Variants in MAGEL2 observed in about 807,000 individuals in gnomAD.
MAGEL2 encodes MAGE family member L2, also known as MAGE-like protein 2.
For missense variants in MAGEL2, 1,830 were observed against 1,699.2 expected (o/e 1.08, Z -1.35); for synonymous variants, 792 against 721.7 (o/e 1.10, Z -1.56).
In MAGEL2 at chr15:23,644,776, C is replaced by A. The variant is rs1890356073; in HGVS notation, c.2967G>T (p.Leu989=). Residue 989 remains leucine (L), a synonymous_variant, in exon 1 of 1, where the codon CTG becomes CTT. Transcript: ENST00000650528. ...LGLSESPGSS[L]PVVVSEVASV... ...TTGCGACCTCAGACACAACTACGGG[C>A]AGAGAGCTCCCTGGGCTTTCAGAGA... The A allele has an allele frequency of 7.4e-6, 12 of 1,613,680 alleles. No individual in the cohort carries two copies. The highest frequency in any genetic ancestry group is 1.0e-5 in the Non-Finnish European group (12 of 1,179,868).
In MAGEL2 at chr15:23,647,026, C is replaced by T. The variant is rs552582918; in HGVS notation, c.717G>A (p.Met239Ile). ...MAQPPAPGVL[M>I]AQPLTPGVLM... ...GGACTCCCGGAGTCAGAGGCTGGGC[C>T]ATCAGGACTCCCGGAGCTGGAGGCT... Residue 239 changes from methionine to isoleucine, a missense_variant, in exon 1 of 1, where the codon ATG becomes ATA. Coordinates refer to ENST00000650528, the MANE Select transcript of MAGEL2 (RefSeq NM_019066.5). 3.4e-5 allele frequency: 53 copies of T among 1,536,970 alleles called. No homozygotes were observed. The African/African-American group carries it at 7.1e-4, about 21-fold the overall frequency.
chr15:23,645,971 T>C lies in MAGEL2; in HGVS notation c.1772A>G (p.Lys591Arg), dbSNP rs758454311. ...CTCGTGTGGCACCGGGGGCTGACCT[T>C]TGGGGGCCTGCCAGATGATGGAAGG... ...HCPSIIWQAP[K>R]GQPPVPHEIP... The change falls in exon 1 of 1, where the codon AAA (lysine) becomes AGA (arginine). Residue 591 changes from lysine to arginine, a missense_variant. Coordinates refer to ENST00000650528, the MANE Select transcript of MAGEL2 (RefSeq NM_019066.5). 2.6e-5 allele frequency: 40 copies of C among 1,561,480 alleles called. No homozygotes were observed. The South Asian group carries it at 4.2e-4, about 17-fold the overall frequency.
Position 23,646,417 on chromosome 15 carries a change from C to A in MAGEL2, c.1326G>T (p.Pro442=), listed in dbSNP as rs550125705. 2 of 1,394,368 alleles carry A rather than the reference C, an allele frequency of 1.4e-6. No homozygotes were observed. Among genetic ancestry groups the A allele is most frequent in the Non-Finnish European group, 1.8e-6 (2 of 1,086,816 alleles). 86.4% of individuals were successfully genotyped at this position (1,394,368 alleles called of 1,614,324 possible). A position where few individuals can be genotyped will look rare whatever the true frequency, so the allele number is the denominator to read the frequency against. The change falls in exon 1 of 1, where the codon CCG becomes CCT. Residue 442 remains proline (P), a synonymous_variant. Transcript: ENST00000650528. The surrounding 1 kb of genome is among the most constrained non-coding windows in gnomAD (Gnocchi z 4.2). ...TCACGGGTGGGGCCTGGCGGATCAC[C>A]GGTGGGGCCTGGCGGATCAGCGGTG... ...QAPPLIRQAP[P]VIRQAPPVIR...
In MAGEL2 at chr15:23,645,048, G is replaced by C; in HGVS notation, c.2695C>G (p.Arg899Gly). Reference protein sequence around the residue: ...KKHLEAQEDSRGHTLAFHDWQ... With the variant: ...KKHLEAQEDSGGHTLAFHDWQ... ...TCATGAAAGGCTAGCGTGTGGCCAC[G>C]GCTGTCCTCTTGGGCTTCCAGATGC... Residue 899 changes from arginine to glycine, a missense_variant, in exon 1 of 1, where the codon CGT (arginine) becomes GGT (glycine). Transcript: ENST00000650528. 6.2e-7 allele frequency: 1 copy of C among 1,613,934 alleles called. No homozygotes were observed. The highest frequency in any genetic ancestry group is 8.5e-7 in the Non-Finnish European group (1 of 1,179,902).
rs376987796 is a variant in MAGEL2 at position 23,644,773 on chromosome 15, G to A, written c.2970C>T (p.Pro990=). The change falls in exon 1 of 1, where the codon CCC becomes CCT. Residue 990 remains proline (P), a synonymous_variant. Transcript: ENST00000650528. ...CACTTGCGACCTCAGACACAACTAC[G>A]GGCAGAGAGCTCCCTGGGCTTTCAG... is the stretch of plus-strand genomic sequence containing the variant. ...GLSESPGSSL[P]VVVSEVASVS... is the part of the protein sequence containing the mutation. The A allele has an allele frequency of 2.5e-5, 41 of 1,613,680 alleles. No individual in the cohort carries two copies. Among genetic ancestry groups the A allele is most frequent in the Middle Eastern group, 3.3e-4 (2 of 6,062 alleles).
rs1595332897 is a variant in MAGEL2 at position 23,646,127 on chromosome 15, G to A, written c.1616C>T (p.Ala539Val). 1 of 1,367,218 alleles carries A rather than the reference G, an allele frequency of 7.3e-7. No individual in the cohort carries two copies. The highest frequency in any genetic ancestry group is 9.4e-7 in the Non-Finnish European group (1 of 1,068,864). 84.7% of individuals were successfully genotyped at this position (1,367,218 alleles called of 1,614,324 possible). A position where few individuals can be genotyped will look rare whatever the true frequency, so the allele number is the denominator to read the frequency against. Residue 539 changes from alanine to valine, a missense_variant, in exon 1 of 1, where the codon GCG becomes GTG. Physicochemically the swap from Ala to Val is moderately conservative, Grantham distance 64. Coordinates refer to ENST00000650528, the MANE Select transcript of MAGEL2 (RefSeq NM_019066.5). The surrounding 1 kb of genome is among the most constrained non-coding windows in gnomAD (Gnocchi z 4.2). Reference sequence around the variant, plus strand: ...AGGTGGGGCCGTAGGCACCTGCGGCGCCGCCTGCACCTGCGGGGCCGGCAG... The same window carrying A: ...AGGTGGGGCCGTAGGCACCTGCGGCACCGCCTGCACCTGCGGGGCCGGCAG... ...ARLPAPQVQA[A>V]PQVPTAPPAT... is the part of the protein sequence containing the mutation.
In MAGEL2 at chr15:23,645,636, C is replaced by A; in HGVS notation, c.2107G>T (p.Ala703Ser). The change falls in exon 1 of 1, where the codon GCG becomes TCG. Residue 703 changes from alanine (A) to serine (S), a missense_variant. Physicochemically the swap from Ala to Ser is moderately conservative, Grantham distance 99. Coordinates refer to ENST00000650528, the MANE Select transcript of MAGEL2 (RefSeq NM_019066.5). ...GCGGAGCCCAGGGGAAAATTTGCCGCTGCTACCGGGGGTCCGGGCTGGGCC... is the reference window on the plus strand; with the variant it reads ...GCGGAGCCCAGGGGAAAATTTGCCGATGCTACCGGGGGTCCGGGCTGGGCC... The part of the protein sequence containing the change: ...LQAQPGPPVA[A>S]ANFPLGSAKS... 1 of 1,588,244 alleles carries A rather than the reference C, an allele frequency of 6.3e-7. No individual in the cohort carries two copies. The highest frequency in any genetic ancestry group is 1.8e-5 in the Admixed American group (1 of 56,570).
Position 23,645,202 on chromosome 15 carries a change from T to C in MAGEL2, c.2541A>G (p.Ala847=). The C allele has an allele frequency of 6.2e-7, 1 of 1,613,908 alleles. No homozygotes were observed. The highest frequency in any genetic ancestry group is 8.5e-7 in the Non-Finnish European group (1 of 1,179,902). The part of the protein sequence containing the change: ...VPQPNMNASK[A]SQAVPTFLMA... ...TCAGGAAGGTGGGCACTGCCTGCGA[T>C]GCCTTTGAGGCATTCATATTGGGCT... The change falls in exon 1 of 1, where the codon GCA becomes GCG. Residue 847 remains alanine (A), a synonymous_variant. Coordinates refer to ENST00000650528, the MANE Select transcript of MAGEL2 (RefSeq NM_019066.5).
Position 23,647,061 on chromosome 15 carries a change from G to C in MAGEL2, c.682C>G (p.Pro228Ala). ...PMAHPPPPGT[P>A]MAQPPAPGVL... ...CCCGGAGCTGGAGGCTGGGCCATCG[G>C]TGTACCCGGAGGGGGAGGATGAGCC... Residue 228 changes from proline to alanine, a missense_variant, in exon 1 of 1, where the codon CCG becomes GCG. Transcript: ENST00000650528. 1 of 1,536,318 alleles carries C rather than the reference G, an allele frequency of 6.5e-7. No homozygotes were observed. The highest frequency in any genetic ancestry group is 1.2e-5 in the South Asian group (1 of 83,962).
chr15:23,645,212 G>T lies in MAGEL2; in HGVS notation c.2531C>A (p.Ala844Asp). ...VPWVPQPNMN[A>D]SKASQAVPTF... ...GGGCACTGCCTGCGATGCCTTTGAGGCATTCATATTGGGCTGTGGGACCCA... is the reference window on the plus strand; with the variant it reads ...GGGCACTGCCTGCGATGCCTTTGAGTCATTCATATTGGGCTGTGGGACCCA... The change falls in exon 1 of 1, where the codon GCC (alanine) becomes GAC (aspartate). Residue 844 changes from alanine (A) to aspartate (D), a missense_variant. Ala to Asp is a moderately radical substitution (Grantham distance 126). Transcript: ENST00000650528. 1.2e-6 allele frequency: 2 copies of T among 1,613,878 alleles called. No individual in the cohort carries two copies. The highest frequency in any genetic ancestry group is 1.7e-6 in the Non-Finnish European group (2 of 1,179,894).
Position 23,643,929 on chromosome 15 carries a change from T to C in MAGEL2, c.*64A>G, listed in dbSNP as rs1217619328. 3 of 1,461,624 alleles carry C rather than the reference T, an allele frequency of 2.1e-6. No individual in the cohort carries two copies. The highest frequency in any genetic ancestry group is 1.4e-5 in the African/African-American group (1 of 70,836). The allele number at this position is 1,461,624 out of a possible 1,614,324, so 90.5% of individuals were successfully genotyped here. ...AACACAAACACCAGGAACAAAAATGTCCCCCCACCCTGTCAGTGGCCTCTG... is the reference window on the plus strand; with the variant it reads ...AACACAAACACCAGGAACAAAAATGCCCCCCCACCCTGTCAGTGGCCTCTG... On this transcript the variant is annotated 3_prime_UTR_variant, in exon 1 of 1. Coordinates refer to ENST00000650528, the MANE Select transcript of MAGEL2 (RefSeq NM_019066.5).
Position 23,647,807 on chromosome 15 carries a change from GAA to G in MAGEL2, c.-67_-66del. On this transcript the variant is annotated 5_prime_UTR_variant, in exon 1 of 1. Transcript: ENST00000650528. ...GCTGCTGGGCCTTTTCCTCCAGAGAGAAGAGAATGCCTACGTGGCTGTTCAGA... is the reference window on the plus strand; with the variant it reads ...GCTGCTGGGCCTTTTCCTCCAGAGAGGAGAATGCCTACGTGGCTGTTCAGA... 7.1e-7 allele frequency: 1 copy of G among 1,414,514 alleles called. No homozygotes were observed. Among genetic ancestry groups the G allele is most frequent in the Non-Finnish European group, 9.2e-7 (1 of 1,084,816 alleles). 87.6% of individuals were successfully genotyped at this position (1,414,514 alleles called of 1,614,324 possible). A position where few individuals can be genotyped will look rare whatever the true frequency, so the allele number is the denominator to read the frequency against.
rs1890371790 is a variant in MAGEL2 at position 23,645,312 on chromosome 15, A to G, written c.2431T>C (p.Ser811Pro). The G allele has an allele frequency of 6.2e-7, 1 of 1,613,880 alleles. No homozygotes were observed. The highest frequency in any genetic ancestry group is 1.1e-5 in the South Asian group (1 of 91,088). ...TATGGCAGTGACTTTGGGGTCTCTGAGGCAGCAGAGGGGCCTTTAAAGGCA... is the reference window on the plus strand; with the variant it reads ...TATGGCAGTGACTTTGGGGTCTCTGGGGCAGCAGAGGGGCCTTTAAAGGCA... ...LNAFKGPSAA[S>P]ETPKSLPYAL... Residue 811 changes from serine to proline, a missense_variant, in exon 1 of 1, where the codon TCA (serine) becomes CCA (proline). Physicochemically the swap from Ser to Pro is moderately conservative, Grantham distance 74. Transcript: ENST00000650528.
In MAGEL2 at chr15:23,647,020, C is replaced by T. The variant is rs949544103; in HGVS notation, c.723G>A (p.Gln241=). 3.3e-6 allele frequency: 5 copies of T among 1,536,708 alleles called. No homozygotes were observed. The African/African-American group carries it at 6.9e-5, about 21-fold the overall frequency. The change falls in exon 1 of 1, where the codon CAG becomes CAA. Residue 241 remains glutamine, a synonymous_variant. Transcript: ENST00000650528. ...QPPAPGVLMA[Q]PLTPGVLMVQ... ...CCATCAGGACTCCCGGAGTCAGAGG[C>T]TGGGCCATCAGGACTCCCGGAGCTG...
Position 23,644,583 on chromosome 15 carries a change from A to G in MAGEL2, c.3160T>C (p.Tyr1054His). Residue 1054 changes from tyrosine to histidine, a missense_variant, in exon 1 of 1, where the codon TAT becomes CAT. Tyr to His is a moderately conservative substitution (Grantham distance 83). Transcript: ENST00000650528. ...ATGATATCTAAGCACTCATCTTTAT[A>G]CTCTCGGAGGATGACTTTCACCATC... The part of the protein sequence containing the change: ...SEMVKVILRE[Y>H]KDECLDIINR... The G allele has an allele frequency of 6.2e-7, 1 of 1,613,534 alleles. No homozygotes were observed. Among genetic ancestry groups the G allele is most frequent in the South Asian group, 1.1e-5 (1 of 91,020 alleles).
rs945397732 is a variant in MAGEL2 at position 23,647,562 on chromosome 15, G to T, written c.181C>A (p.Pro61Thr). Residue 61 changes from proline (P) to threonine (T), a missense_variant, in exon 1 of 1, where the codon CCT (proline) becomes ACT (threonine). Physicochemically the swap from Pro to Thr is conservative, Grantham distance 38. Coordinates refer to ENST00000650528, the MANE Select transcript of MAGEL2 (RefSeq NM_019066.5). ...LQASLAAWQA[P>T]QPAWEAPQGQ... Reference sequence around the variant, plus strand: ...TGTGGGGCCTCCCAGGCAGGCTGAGGTGCCTGCCAAGCGGCCAATGAAGCC... The same window carrying T: ...TGTGGGGCCTCCCAGGCAGGCTGAGTTGCCTGCCAAGCGGCCAATGAAGCC... The T allele has an allele frequency of 1.3e-6, 2 of 1,535,216 alleles. No homozygotes were observed. The highest frequency in any genetic ancestry group is 2.7e-5 in the African/African-American group (2 of 73,034).
Position 23,644,515 on chromosome 15 carries a change from T to C in MAGEL2, c.3228A>G (p.Gln1076=), listed in dbSNP as rs780869732. The C allele has an allele frequency of 1.2e-5, 19 of 1,613,802 alleles. No individual in the cohort carries two copies. In the Admixed American group the frequency reaches 1.3e-4, roughly 11 times the overall value. The change falls in exon 1 of 1, where the codon CAA becomes CAG. Residue 1076 remains glutamine, a synonymous_variant. Transcript: ENST00000650528. ...NNKLECAFGY[Q]LKEIDTKNHA... ...GGTTTTTGGTATCAATTTCTTTCAATTGATAACCAAAGGCACACTCCAGCT... is the reference window on the plus strand; with the variant it reads ...GGTTTTTGGTATCAATTTCTTTCAACTGATAACCAAAGGCACACTCCAGCT...
chr15:23,646,334 G>T lies in MAGEL2; in HGVS notation c.1409C>A (p.Pro470His), dbSNP rs1045019174. The change falls in exon 1 of 1, where the codon CCT becomes CAT. Residue 470 changes from proline to histidine, a missense_variant. Pro to His is a moderately conservative substitution (Grantham distance 77, BLOSUM62 -2). Transcript: ENST00000650528. The surrounding 1 kb of genome is among the most constrained non-coding windows in gnomAD (Gnocchi z 4.2). ...CACAGGTGGGGCCTGGCGGATCACA[G>T]GTGGGGCCTGGCGGATCACAGCGGG... ...QAPAVIRQAP[P>H]VIRQAPPVIR... is the part of the protein sequence containing the mutation. The T allele has an allele frequency of 1.5e-6, 2 of 1,376,822 alleles. No individual in the cohort carries two copies. The highest frequency in any genetic ancestry group is 5.9e-5 in the East Asian group (2 of 33,752). 85.3% of individuals were successfully genotyped at this position (1,376,822 alleles called of 1,614,324 possible).
In MAGEL2 at chr15:23,645,104, C is replaced by T. The variant is rs775947264; in HGVS notation, c.2639G>A (p.Arg880His). 42 of 1,613,712 alleles carry T rather than the reference C, an allele frequency of 2.6e-5. No individual in the cohort carries two copies. Among genetic ancestry groups the T allele is most frequent in the East Asian group, 1.3e-4 (6 of 44,890 alleles). Residue 880 changes from arginine to histidine, a missense_variant, in exon 1 of 1, where the codon CGC (arginine) becomes CAC (histidine). By Grantham distance (29) the Arg-to-His change is conservative. Transcript: ENST00000650528. The stretch of plus-strand genomic sequence containing the variant: ...CTTCCGGGTGGCCTTGCCGGAGCGG[C>T]GTGGCGGCTCGACGGAGGTCTTGGA... ...EASKTSVEPPRRSGKATRKKK... is the reference protein window; with the variant it reads ...EASKTSVEPPHRSGKATRKKK...
Sources: gnomAD v4.1 joint callset for allele counts on GRCh38, gnomAD v4.1.1 for gene constraint, Gnocchi (gnomAD v3.1) non-coding constraint, MANE v1.5 for transcripts, NCBI Gene and HGNC (gene_info 2026-07-23, HGNC 2026-07-21) for gene names.